The following AGBL4 variants were observed in gnomAD, a reference collection of about 807,000 sequenced individuals.
The protein encoded by AGBL4 is cytosolic carboxypeptidase 6.
AGBL4 carries 58 observed loss-of-function variants against 66.4 expected under a neutral mutation model. That is an observed-to-expected ratio of 0.87 (90% CI 0.71 to 1.09). The LOEUF is 1.09. Among genes scored for constraint, AGBL4 ranks in the 50% least tolerant of loss-of-function variants. The pLI is 0.00. For synonymous variants in AGBL4, 234 were observed against 222.9 expected (o/e 1.05, Z -0.44); for missense variants, 579 against 631.0 (o/e 0.92, Z 0.88).
intron 2 of AGBL4, among the ~76,000 whole-genome samples, chr1:49,742,956 A>C (rs1650648284): frequency 6.6e-6 from 1 of 152,326 alleles, no homozygotes; most frequent in South Asian, 2.1e-4. Context: ...CCCTAGAAAA[A>C]AACCTACGCA....
In AGBL4 at chr1:49,128,162, A is replaced by G. The variant is rs143422027; in HGVS notation, c.378-82362T>C. ...GAAATTTCTAGAGATGAAAAAATCC[A>G]TGAACATCTGAGAGGAAAAATTCAC... On this transcript the variant is annotated intron_variant, in intron 4 of 13. Transcript: ENST00000371839. Among the ~76,000 whole-genome samples the G allele has an allele frequency of 2.0e-3, 305 of 152,224 alleles. 1 individual carries two copies. The highest frequency in any genetic ancestry group is 2.1e-3 in the Non-Finnish European group (144 of 67,988).
chr1:49,892,354 C>A (rs1471996710), intron 1 of AGBL4, among the ~76,000 whole-genome samples: 1 of 152,116 alleles, frequency 6.6e-6, no homozygotes, highest in Non-Finnish European at 1.5e-5. Context: ...GATACAAGGT[C>A]CCTCCTCAAT....
At chr1:49,325,477 C>G (rs7540194) in intron 3 of AGBL4, among the ~76,000 whole-genome samples, 92,203 of 152,020 alleles carry the variant, frequency 0.61, 28,639 homozygotes, top group Non-Finnish European at 0.67. Context: ...GTTATAATAC[C>G]CAGAAGCCAT....
chr1:49,590,937 G>C (rs558025770), intron 3 of AGBL4, among the ~76,000 whole-genome samples: 1 of 151,950 alleles, frequency 6.6e-6, no homozygotes, highest in South Asian at 2.1e-4. Flanking sequence ...AATCACAAGG[G>C]ATATTAGAAA....
chr1:48,757,465 A>C (rs1204025341), intron 6 of AGBL4, among the ~76,000 whole-genome samples: 1 of 152,190 alleles, frequency 6.6e-6, no homozygotes, highest in Non-Finnish European at 1.5e-5. Context: ...GACAATGGCC[A>C]AGGCAATGGT....
chr1:49,030,037 C>T (rs1022498177), intron 5 of AGBL4, among the ~76,000 whole-genome samples: 20 of 152,184 alleles, frequency 1.3e-4, no homozygotes, highest in African/African-American at 4.3e-4. Flanking sequence ...AATGGAAGAG[C>T]GAAAATTATA....
At chr1:49,215,935 A>G (rs1458180612) in intron 4 of AGBL4, among the ~76,000 whole-genome samples, 1 of 152,042 alleles carries the variant, frequency 6.6e-6, no homozygotes, top group Non-Finnish European at 1.5e-5. Flanking sequence ...GAATTCAGGG[A>G]GCTCTCATAA....
chr1:49,663,652 G>T (rs1486896285), intron 3 of AGBL4, among the ~76,000 whole-genome samples: 1 of 151,922 alleles, frequency 6.6e-6, no homozygotes, highest in Non-Finnish European at 1.5e-5. Context: ...AACACATGTG[G>T]CCTCTGCAAT....
intron 5 of AGBL4, among the ~76,000 whole-genome samples, chr1:48,906,608 G>C (rs12046426): frequency 0.092 from 13,989 of 152,184 alleles, 728 homozygotes; most frequent in Non-Finnish European, 0.11. Context: ...TCAGAGTTGG[G>C]GGCCTGGAAA....
chr1:49,023,294 G>A (rs1243155443), intron 5 of AGBL4, among the ~76,000 whole-genome samples: 3 of 152,146 alleles, frequency 2.0e-5, no homozygotes, highest in Admixed American at 2.0e-4. Context: ...TCAGGTCTGG[G>A]CCAGCAACTA....
intron 3 of AGBL4, among the ~76,000 whole-genome samples, chr1:49,492,090 A>C (rs189935028): frequency 4.6e-4 from 70 of 152,046 alleles, no homozygotes; most frequent in Admixed American, 4.4e-3. Context: ...TTATGATGTG[A>C]GATGATACAT....
At chr1:49,271,516 GCACACA>G (rs57311875) in intron 3 of AGBL4, among the ~76,000 whole-genome samples, 7,774 of 144,248 alleles carry the variant, frequency 0.054, 369 homozygotes, top group African/African-American at 0.14. Flanking sequence ...TTAAAAGATA[GCACACA>G]CACACACACA....
At chr1:49,939,351 A>G (rs1017100405) in intron 1 of AGBL4, among the ~76,000 whole-genome samples, 1 of 152,060 alleles carries the variant, frequency 6.6e-6, no homozygotes, top group African/African-American at 2.4e-5. Context: ...GGAAAAAACT[A>G]CTTTAAAGTT....
At chr1:48,672,283 G>A (rs1488150810) in intron 6 of AGBL4, among the ~76,000 whole-genome samples, 1 of 152,224 alleles carries the variant, frequency 6.6e-6, no homozygotes, top group African/African-American at 2.4e-5. Flanking sequence ...GGCAGAGTGG[G>A]AATGAATCCT....
chr1:49,964,785 A>G (rs1253894845), intron 1 of AGBL4, among the ~76,000 whole-genome samples: 8 of 152,152 alleles, frequency 5.3e-5, no homozygotes, highest in African/African-American at 1.9e-4. Flanking sequence ...TGTTTCTAGA[A>G]AAAAGTCCAA....
chr1:49,851,397 A>G lies in AGBL4; in HGVS notation c.156T>C (p.Ser52=). 6.5e-7 allele frequency: 1 copy of G among 1,547,100 alleles called. No individual in the cohort carries two copies. Among genetic ancestry groups the G allele is most frequent in the African/African-American group, 1.4e-5 (1 of 72,972 alleles). Residue 52 remains serine (S), a splice_region_variant and synonymous_variant, in exon 2 of 14, where the codon AGT becomes AGC. Coordinates refer to ENST00000371839, the MANE Select transcript of AGBL4 (RefSeq NM_032785.4). ...GHLIFDACFE[S]GNLGRVDQVS... ...AGGAAAAGCCTTTAATATACTTACC[A>G]CTTTCAAAGCAAGCATCAAAGATAA... is the stretch of plus-strand genomic sequence containing the variant.
intron 6 of AGBL4, among the ~76,000 whole-genome samples, chr1:48,858,849 T>C (rs1026505097): frequency 6.6e-6 from 1 of 152,118 alleles, no homozygotes; most frequent in Non-Finnish European, 1.5e-5. Context: ...TCAATAAAGC[T>C]GTTATTAAAA....
At chr1:48,936,488 T>G (rs1158789317) in intron 5 of AGBL4, among the ~76,000 whole-genome samples, 1 of 152,156 alleles carries the variant, frequency 6.6e-6, no homozygotes, top group Non-Finnish European at 1.5e-5. Context: ...AGGAGTACTG[T>G]TTGATTGGCA....
chr1:49,912,874 C>T (rs1037342347), intron 1 of AGBL4, among the ~76,000 whole-genome samples: 2 of 152,112 alleles, frequency 1.3e-5, no homozygotes, highest in African/African-American at 4.8e-5. Flanking sequence ...AAACAAAGAA[C>T]CAAAATCCCA....
Sources: gnomAD v4.1 joint callset for allele counts (sites outside exome capture counted in the v4.1 genomes callset) on GRCh38, gnomAD v4.1.1 for gene constraint, MANE v1.5 for transcripts, NCBI Gene and HGNC (gene_info 2026-07-23, HGNC 2026-07-21) for gene names.